Variants in GPC5 observed in about 807,000 individuals in gnomAD.
GPC5 encodes the protein glypican-5.
In GPC5, 47 loss-of-function variants were observed where a neutral mutation model predicts 53.9. The ratio of observed to expected loss-of-function variants is 0.87; its 90% CI spans 0.69 to 1.11. The LOEUF (loss-of-function observed/expected upper bound fraction) is 1.11, where lower values mean the gene tolerates loss of function less well. GPC5 is among the 50% of genes most tolerant of loss of function. GPC5 has a pLI of 0.00. For synonymous variants in GPC5, 286 were observed against 263.3 expected (o/e 1.09, Z -0.84); for missense variants, 748 against 713.1 (o/e 1.05, Z -0.56).
chr13:91,852,049 A>T (rs932093743), intron 5 of GPC5, among the ~76,000 whole-genome samples: 1 of 151,676 alleles, frequency 6.6e-6, no homozygotes, highest in South Asian at 2.1e-4. Flanking sequence ...TGGTATTTCC[A>T]GTTCTAGATC....
chr13:92,642,244 A>T (rs115074459), intron 7 of GPC5, among the ~76,000 whole-genome samples: 2,276 of 152,208 alleles, frequency 0.015, 59 homozygotes, highest in African/African-American at 0.051. Context: ...AAACTAGTGA[A>T]ATTTTACTGA....
chr13:91,820,306 C>T (rs1268070776), intron 5 of GPC5, among the ~76,000 whole-genome samples: 1 of 151,662 alleles, frequency 6.6e-6, no homozygotes, highest in Non-Finnish European at 1.5e-5. Flanking sequence ...TAGTCTTTAC[C>T]CTAGGAAATA....
intron 2 of GPC5, among the ~76,000 whole-genome samples, chr13:91,608,760 A>C (rs940341148): frequency 6.6e-6 from 1 of 152,034 alleles, no homozygotes; most frequent in African/African-American, 2.4e-5. Context: ...ATATTTGCTC[A>C]TTTAAATTAT....
intron 7 of GPC5, among the ~76,000 whole-genome samples, chr13:92,781,027 G>GCACA (rs1393029536): frequency 1.3e-5 from 2 of 152,060 alleles, no homozygotes; most frequent in Admixed American, 1.3e-4. Context: ...ACATGTACGT[G>GCACA]CACACGCACA....
chr13:91,639,358 A>G (rs1025049696), intron 2 of GPC5, among the ~76,000 whole-genome samples: 8 of 152,214 alleles, frequency 5.3e-5, no homozygotes, highest in Non-Finnish European at 1.0e-4. Flanking sequence ...AGATTAATTT[A>G]TGTTACAGAA....
intron 7 of GPC5, among the ~76,000 whole-genome samples, chr13:92,287,600 G>T (rs1259520679): frequency 6.6e-6 from 1 of 152,046 alleles, no homozygotes; most frequent in Non-Finnish European, 1.5e-5. Context: ...TATCATCTCA[G>T]GGTCCTACAG....
chr13:91,934,638 C>T (rs1263440364), intron 6 of GPC5, among the ~76,000 whole-genome samples: 3 of 151,974 alleles, frequency 2.0e-5, no homozygotes, highest in African/African-American at 4.8e-5. Flanking sequence ...AAACACTGCC[C>T]CTTTTTGGCT....
At chr13:92,758,296 C>T (rs1029499966) in intron 7 of GPC5, among the ~76,000 whole-genome samples, 1 of 141,522 alleles carries the variant, frequency 7.1e-6, no homozygotes, top group Non-Finnish European at 1.5e-5. Context: ...ATCACATGGA[C>T]ACAGGAAGGG....
At chr13:92,293,088 A>G (rs1018510368) in intron 7 of GPC5, among the ~76,000 whole-genome samples, 2 of 152,000 alleles carry the variant, frequency 1.3e-5, no homozygotes, top group Admixed American at 1.3e-4. Context: ...ATAGTTTGAA[A>G]TTAGGTAATG....
intron 4 of GPC5, among the ~76,000 whole-genome samples, chr13:91,744,227 A>C (rs2140082748): frequency 6.6e-6 from 1 of 152,304 alleles, no homozygotes; most frequent in Non-Finnish European, 1.5e-5. Flanking sequence ...GGCATAATTA[A>C]GTAAAGGTAA....
chr13:91,578,192 A>G (rs1414627541), intron 2 of GPC5, among the ~76,000 whole-genome samples: 1 of 152,222 alleles, frequency 6.6e-6, no homozygotes, highest in Non-Finnish European at 1.5e-5. Flanking sequence ...TCTTGGAAGC[A>G]GATCCTTCAG....
intron 7 of GPC5, among the ~76,000 whole-genome samples, chr13:92,768,030 G>C (rs1377644753): frequency 2.0e-5 from 3 of 152,132 alleles, no homozygotes; most frequent in Non-Finnish European, 2.9e-5. Context: ...AAAAACCTAA[G>C]TCAGGTATTT....
rs181233013 is a variant in GPC5, at chr13:92,633,419, T to C, written c.1562-232863T>C. On this transcript the variant is annotated intron_variant, in intron 7 of 7. Coordinates refer to ENST00000377067, the MANE Select transcript of GPC5 (RefSeq NM_004466.6). ...TTTAGCTTAGCTACTTATAAAAGTA[T>C]AGATTAATTTAAGAAAAGCTGAGGG... 3.9e-5 allele frequency among the ~76,000 whole-genome samples: 6 copies of C among 152,242 alleles called. No homozygotes were observed. In the East Asian group the frequency reaches 1.2e-3, roughly 29 times the overall value.
chr13:92,196,763 G>A (rs2042259451), intron 7 of GPC5, among the ~76,000 whole-genome samples: 1 of 151,754 alleles, frequency 6.6e-6, no homozygotes, highest in African/African-American at 2.4e-5. Flanking sequence ...GGGTAACTGG[G>A]AGAGCTTTCA....
At chr13:91,822,113 T>A (rs1156732782) in intron 5 of GPC5, among the ~76,000 whole-genome samples, 1 of 152,190 alleles carries the variant, frequency 6.6e-6, no homozygotes, top group Non-Finnish European at 1.5e-5. Flanking sequence ...ATTTCCTAGA[T>A]GTCCTTCTCA....
intron 7 of GPC5, among the ~76,000 whole-genome samples, chr13:92,511,603 T>C (rs1880569628): frequency 6.6e-6 from 1 of 152,224 alleles, no homozygotes; most frequent in African/African-American, 2.4e-5. Context: ...CATTTTTGGA[T>C]GTTGTTTCAC....
At chr13:91,728,394 A>T in intron 3 of GPC5, 138 bp from the exon 4 acceptor site, 1 of 614,552 alleles carries the variant, frequency 1.6e-6, no homozygotes, top group Non-Finnish European at 2.6e-6. Context: ...GACAAACATT[A>T]TATATACATA....
At chr13:92,516,389 C>T (rs997375644) in intron 7 of GPC5, among the ~76,000 whole-genome samples, 1 of 151,996 alleles carries the variant, frequency 6.6e-6, no homozygotes, top group African/African-American at 2.4e-5. Flanking sequence ...TTAAAAAATA[C>T]AAGTTTGTAG....
chr13:92,302,869 C>T (rs1255076514), intron 7 of GPC5, among the ~76,000 whole-genome samples: 2 of 152,100 alleles, frequency 1.3e-5, no homozygotes, highest in Non-Finnish European at 1.5e-5. Flanking sequence ...TAAAACCGTC[C>T]CTCCTTTTAT....
Sources: allele counts gnomAD v4.1 joint callset (sites outside exome capture counted in the v4.1 genomes callset), GRCh38; gene constraint gnomAD v4.1.1; transcripts MANE v1.5; gene names NCBI Gene and HGNC (gene_info 2026-07-23, HGNC 2026-07-21).